The following SNX7 variants were observed in gnomAD, a reference collection of about 807,000 sequenced individuals.
SNX7 encodes the protein sorting nexin-7.
In SNX7, 35 loss-of-function variants were observed where a neutral mutation model predicts 48.4. That is an observed-to-expected ratio of 0.72 (90% CI 0.55 to 0.96). The LOEUF is 0.96. Among genes scored for constraint, SNX7 ranks in the 40% least tolerant of loss-of-function variants. SNX7 has a pLI of 0.00. For missense variants in SNX7, 553 were observed against 548.9 expected (o/e 1.01, Z -0.07); for synonymous variants, 190 against 190.2 (o/e 1.00, Z 0.01).
At chr1:98,753,505 CA>C (rs1654687990) in intron 8 of SNX7, among the ~76,000 whole-genome samples, 1 of 152,056 alleles carries the variant, frequency 6.6e-6, no homozygotes, top group Admixed American at 6.6e-5. Flanking sequence ...CAATTTGAAT[CA>C]CTTATTTGAC....
intron 1 of SNX7, among the ~76,000 whole-genome samples, chr1:98,671,702 C>T (rs917995346): frequency 6.6e-6 from 1 of 152,078 alleles, no homozygotes; most frequent in Non-Finnish European, 1.5e-5. Flanking sequence ...TCTGTTTTCT[C>T]TCTGTCATAG....
intron 1 of SNX7, chr1:98,662,924 T>C (rs1190545991): frequency 9.8e-6 from 10 of 1,018,044 alleles, no homozygotes; most frequent in African/African-American, 8.5e-5. Context: ...ATAAAACTTA[T>C]TTCTACTTCG....
chr1:98,661,395 C>G (rs867410872), upstream of SNX7, among the ~76,000 whole-genome samples: 11 of 152,026 alleles, frequency 7.2e-5, no homozygotes, highest in Non-Finnish European at 1.3e-4. Flanking sequence ...CCCGCCACTG[C>G]GGAAACCGTC....
chr1:98,697,969 A>G (rs1651548524), intron 5 of SNX7, among the ~76,000 whole-genome samples: 1 of 152,168 alleles, frequency 6.6e-6, no homozygotes, highest in South Asian at 2.1e-4. Flanking sequence ...TGAACAAGCA[A>G]TTTGGCTTGA....
chr1:98,738,229 T>G lies in SNX7; in HGVS notation c.1126-8T>G, dbSNP rs1557831856. ...GATCAATGTATCTCTCTTTGTGACT[T>G]AATTCAGCTTCCAGAGGAGATTGGA... is the stretch of plus-strand genomic sequence containing the variant. On this transcript the variant is annotated splice_region_variant and splice_polypyrimidine_tract_variant and intron_variant, in intron 7 of 8. Coordinates refer to ENST00000306121, the MANE Select transcript of SNX7 (RefSeq NM_015976.5). 6.2e-7 allele frequency: 1 copy of G among 1,611,234 alleles called. No homozygotes were observed.
chr1:98,732,367 G>A (rs1653557161), intron 7 of SNX7, among the ~76,000 whole-genome samples: 1 of 152,066 alleles, frequency 6.6e-6, no homozygotes, highest in Non-Finnish European at 1.5e-5. Context: ...GGGAAAAGTG[G>A]GCTGGAGGGG....
chr1:98,715,185 G>C lies in SNX7; in HGVS notation c.1125+13282G>C, dbSNP rs540286624. Among the ~76,000 whole-genome samples, 29 of 152,138 alleles carry C rather than the reference G, an allele frequency of 1.9e-4. 1 individual carries two copies. The East Asian group carries it at 2.9e-3, about 15-fold the overall frequency. ...TTAGTTAGATGTCTCCTTCAGTCTG[G>C]AACAGTCTTTCATCTTCCCTTAACT... On this transcript the variant is annotated intron_variant, in intron 7 of 8. Transcript: ENST00000306121.
chr1:98,701,879 C>G lies in SNX7; in HGVS notation c.1101C>G (p.Thr367=), dbSNP rs1557808080. The part of the protein sequence containing the change: ...AELDSKVEVL[T]YKKADTDLLP... ...TGGATTCCAAAGTTGAAGTTTTGAC[C>G]TATAAAAAGGCAGATACTGATCTGG... The change falls in exon 7 of 9, where the codon ACC becomes ACG. Residue 367 remains threonine, a synonymous_variant. Coordinates refer to ENST00000306121, the MANE Select transcript of SNX7 (RefSeq NM_015976.5). The G allele has an allele frequency of 3.1e-6, 5 of 1,610,542 alleles. No homozygotes were observed. Among genetic ancestry groups the G allele is most frequent in the Non-Finnish European group, 8.5e-7 (1 of 1,178,150 alleles).
intron 1 of SNX7, among the ~76,000 whole-genome samples, chr1:98,671,451 A>G (rs895460520): frequency 6.6e-6 from 1 of 152,198 alleles, no homozygotes; most frequent in Non-Finnish European, 1.5e-5. Flanking sequence ...CAACAGTTTT[A>G]ACATTGAAAT....
chr1:98,696,881 A>G (rs958730557), intron 5 of SNX7, among the ~76,000 whole-genome samples: 2 of 152,096 alleles, frequency 1.3e-5, no homozygotes, highest in African/African-American at 2.4e-5. Context: ...TAAACTATCA[A>G]TGAGTATCAA....
intron 4 of SNX7, among the ~76,000 whole-genome samples, chr1:98,693,387 G>A (rs557930040): frequency 6.6e-6 from 1 of 152,306 alleles, no homozygotes; most frequent in East Asian, 1.9e-4. Context: ...ACTGGCAAAT[G>A]TTGAGTTTTA....
chr1:98,728,438 C>G (rs1334652666), intron 7 of SNX7, among the ~76,000 whole-genome samples: 1 of 152,270 alleles, frequency 6.6e-6, no homozygotes, highest in East Asian at 1.9e-4. Flanking sequence ...GCATCAAATT[C>G]ACACATAGCA....
At chr1:98,697,461 T>C (rs186480071) in intron 5 of SNX7, among the ~76,000 whole-genome samples, 1 of 152,202 alleles carries the variant, frequency 6.6e-6, no homozygotes, top group African/African-American at 2.4e-5. Flanking sequence ...CTTATAAATT[T>C]TCCACCACAA....
intron 4 of SNX7, among the ~76,000 whole-genome samples, chr1:98,694,193 AC>A (rs1472552667): frequency 1.3e-5 from 2 of 150,446 alleles, no homozygotes; most frequent in Non-Finnish European, 3.0e-5. Flanking sequence ...ACACGGTGAA[AC>A]CCCGTCTCTA....
intron 6 of SNX7, among the ~76,000 whole-genome samples, chr1:98,700,869 T>C (rs1321194102): frequency 6.6e-6 from 1 of 152,152 alleles, no homozygotes; most frequent in African/African-American, 2.4e-5. Flanking sequence ...CCTTCTTCTT[T>C]AAAACACCAG....
At chr1:98,726,215 C>T (rs1163529094) in intron 7 of SNX7, among the ~76,000 whole-genome samples, 1 of 152,158 alleles carries the variant, frequency 6.6e-6, no homozygotes, top group Non-Finnish European at 1.5e-5. Context: ...GACTTTAGAT[C>T]ACTGACTGAT....
chr1:98,724,077 C>G (rs1370888343), intron 7 of SNX7, among the ~76,000 whole-genome samples: 1 of 151,534 alleles, frequency 6.6e-6, no homozygotes, highest in Non-Finnish European at 1.5e-5. Flanking sequence ...AGTTTTTTAT[C>G]CTATATATTT....
chr1:98,741,379 T>C (rs1654060566), intron 8 of SNX7, among the ~76,000 whole-genome samples: 1 of 152,188 alleles, frequency 6.6e-6, no homozygotes, highest in African/African-American at 2.4e-5. Context: ...AATTGTGTCA[T>C]GTTATATTTA....
rs566444656 is a variant in SNX7 at position 98,727,079 on chromosome 1, G to A, written c.1126-11158G>A. Among the ~76,000 whole-genome samples the A allele has an allele frequency of 3.1e-4, 47 of 152,194 alleles. No homozygotes were observed. In the South Asian group the frequency reaches 3.5e-3, roughly 11 times the overall value. On this transcript the variant is annotated intron_variant, in intron 7 of 8. Transcript: ENST00000306121. ...CAAAAAATTAGCTGGGCATGGTGGCGGGCACCTGTAGTCTCAGCTACTTGG... is the reference window on the plus strand; with the variant it reads ...CAAAAAATTAGCTGGGCATGGTGGCAGGCACCTGTAGTCTCAGCTACTTGG...
Sources: allele counts gnomAD v4.1 joint callset (sites outside exome capture counted in the v4.1 genomes callset), GRCh38; gene constraint gnomAD v4.1.1; transcripts MANE v1.5; gene names NCBI Gene and HGNC (gene_info 2026-07-23, HGNC 2026-07-21).